Variants in PCDHAC1 observed in about 807,000 individuals in gnomAD.
PCDHAC1 encodes the protein protocadherin alpha-C1.
In PCDHAC1, 42 loss-of-function variants were observed where a neutral mutation model predicts 60.0. That is an observed-to-expected ratio of 0.70 (90% CI 0.55 to 0.90). The LOEUF (loss-of-function observed/expected upper bound fraction) is 0.90, where lower values mean the gene tolerates loss of function less well. Ranked by LOEUF, PCDHAC1 falls within the 40% of genes least tolerant of loss-of-function variation. The pLI, the probability that PCDHAC1 is intolerant of heterozygous loss-of-function variation, is 0.00. For missense variants in PCDHAC1, 1,160 were observed against 1,222.3 expected, an observed-to-expected ratio of 0.95 and a Z score of 0.76; for synonymous variants, 468 against 499.3, an observed-to-expected ratio of 0.94 and a Z score of 0.84.
At chr5:140,977,351 AT>A (rs2096757742) in intron 1 of PCDHAC1, among the ~76,000 whole-genome samples, 1 of 152,348 alleles carries the variant, frequency 6.6e-6, no homozygotes, top group Non-Finnish European at 1.5e-5. Context: ...ATGATGACTG[AT>A]TGATAAAAAG....
chr5:140,943,804 G>C (rs996208541), intron 1 of PCDHAC1, among the ~76,000 whole-genome samples: 2 of 152,224 alleles, frequency 1.3e-5, no homozygotes, highest in Non-Finnish European at 2.9e-5. Flanking sequence ...AGCAAAAGAG[G>C]AAAGTTTGAA....
At chr5:140,982,074 T>TAGAGAACCTAGGAACA (rs1554243726) in intron 2 of PCDHAC1, among the ~76,000 whole-genome samples, 1 of 151,090 alleles carries the variant, frequency 6.6e-6, no homozygotes, top group Non-Finnish European at 1.5e-5. Flanking sequence ...TTCTTTAGAG[T>TAGAGAACCTAGGAACA]AGAGAACCTA....
At chr5:140,941,194 TCTTTCTTCCTTTCTTTCTTCC>T (rs1563183817) in intron 1 of PCDHAC1, among the ~76,000 whole-genome samples, 5 of 112,350 alleles carry the variant, frequency 4.5e-5, no homozygotes, top group Admixed American at 9.1e-5. Flanking sequence ...TCTTTTTTTT[TCTTTCTTCCTTTCTTTCTTCC>T]TTTCTTTCTT....
chr5:140,932,593 A>T (rs1347990722), intron 1 of PCDHAC1, among the ~76,000 whole-genome samples: 1 of 151,922 alleles, frequency 6.6e-6, no homozygotes, highest in South Asian at 2.1e-4. Context: ...GATGTTTTGT[A>T]TATCTATTTT....
In PCDHAC1 at chr5:140,929,206, C is replaced by T. The variant is rs1554206828; in HGVS notation, c.2314C>T (p.Arg772Cys). ...TTCTGATAATAACAGTTTGCTGTTG[C>T]GTGGGGAGTACAATGCTGCCGACCT... ...LGSDNNSLLL[R>C]GEYNAADLRN... is the part of the protein sequence containing the mutation. Residue 772 changes from arginine (R) to cysteine (C), a missense_variant, in exon 1 of 4, where the codon CGT becomes TGT. Transcript: ENST00000253807. The T allele has an allele frequency of 2.5e-6, 4 of 1,614,018 alleles. No homozygotes were observed. Among genetic ancestry groups the T allele is most frequent in the Non-Finnish European group, 1.7e-6 (2 of 1,179,976 alleles).
At chr5:140,975,933 AG>A (rs1216240117) in intron 1 of PCDHAC1, among the ~76,000 whole-genome samples, 1 of 152,194 alleles carries the variant, frequency 6.6e-6, no homozygotes, top group Non-Finnish European at 1.5e-5. Flanking sequence ...TAACCTTTGA[AG>A]CAATAGGACA....
chr5:140,939,424 A>G lies in PCDHAC1; in HGVS notation c.2433+10099A>G, dbSNP rs186047779. 5.0e-4 allele frequency among the ~76,000 whole-genome samples: 76 copies of G among 152,290 alleles called. 1 individual carries two copies. Among genetic ancestry groups the G allele is most frequent in the Admixed American group, 1.3e-4 (2 of 15,302 alleles). On this transcript the variant is annotated intron_variant, in intron 1 of 3. Coordinates refer to ENST00000253807, the MANE Select transcript of PCDHAC1 (RefSeq NM_018898.5). ...GTGTAAATCAGCATTTTTTTCTTCC[A>G]TAAGCATTTGAAGAATTAAGAGTGA...
chr5:140,993,012 C>G (rs1307637137), intron 3 of PCDHAC1, among the ~76,000 whole-genome samples: 2 of 152,198 alleles, frequency 1.3e-5, no homozygotes, highest in Admixed American at 1.3e-4. Context: ...CCCCAGAGTC[C>G]AGCATCCCCT....
At chr5:140,998,415 C>T (rs1554256243) in intron 3 of PCDHAC1, among the ~76,000 whole-genome samples, 1 of 152,158 alleles carries the variant, frequency 6.6e-6, no homozygotes, top group African/African-American at 2.4e-5. Context: ...GTTTATCTAC[C>T]TGGTTTATCC....
chr5:140,983,275 A>C (rs1279699182), intron 3 of PCDHAC1, among the ~76,000 whole-genome samples: 1 of 152,230 alleles, frequency 6.6e-6, no homozygotes, highest in Non-Finnish European at 1.5e-5. Flanking sequence ...TGGCTGGGTG[A>C]GTATAGGAAA....
intron 1 of PCDHAC1, among the ~76,000 whole-genome samples, chr5:140,974,580 T>C (rs2153804250): frequency 6.6e-6 from 1 of 152,286 alleles, no homozygotes; most frequent in South Asian, 2.1e-4. Context: ...GGCATGATCT[T>C]GGCTCACTGC....
chr5:140,965,496 ATTT>A (rs71766133), intron 1 of PCDHAC1, among the ~76,000 whole-genome samples: 1 of 146,428 alleles, frequency 6.8e-6, no homozygotes. Flanking sequence ...ATGACAGCAG[ATTT>A]TTTTTTTTTT....
chr5:140,961,445 C>T (rs772072156), intron 1 of PCDHAC1, among the ~76,000 whole-genome samples: 1 of 152,214 alleles, frequency 6.6e-6, no homozygotes, highest in South Asian at 2.1e-4. Context: ...CCTAACTACA[C>T]TGTCTTGCAG....
intron 1 of PCDHAC1, among the ~76,000 whole-genome samples, chr5:140,963,165 A>G (rs775997183): frequency 2.6e-5 from 4 of 152,110 alleles, no homozygotes; most frequent in Non-Finnish European, 5.9e-5. Flanking sequence ...GACACATGCC[A>G]TCTTACAGAT....
At chr5:140,949,383 T>C (rs2094373133) in intron 1 of PCDHAC1, among the ~76,000 whole-genome samples, 1 of 151,882 alleles carries the variant, frequency 6.6e-6, no homozygotes, top group Non-Finnish European at 1.5e-5. Flanking sequence ...TATCAATTGC[T>C]CAGAGAGCAG....
In PCDHAC1 at chr5:140,979,008, G is replaced by T; in HGVS notation, c.2492+1G>T. 1 of 1,613,990 alleles carries T rather than the reference G, an allele frequency of 6.2e-7. No individual in the cohort carries two copies. The highest frequency in any genetic ancestry group is 1.3e-5 in the African/African-American group (1 of 75,044). ...CCTCCCTGAGAGCAGGCATGCACAG[G>T]TATGTATTTCCCTCCTCATTCACTC... On this transcript the variant is annotated splice_donor_variant, in intron 2 of 3. Transcript: ENST00000253807. LOFTEE classifies it high-confidence loss of function.
intron 1 of PCDHAC1, among the ~76,000 whole-genome samples, chr5:140,948,792 T>C (rs1215416836): frequency 6.6e-6 from 1 of 151,646 alleles, no homozygotes; most frequent in Non-Finnish European, 1.5e-5. Context: ...TTTGTTGATA[T>C]ATTTTCTATT....
chr5:140,967,986 C>A, intron 1 of PCDHAC1: 1 of 1,614,226 alleles, frequency 6.2e-7, no homozygotes, highest in Non-Finnish European at 8.5e-7. Flanking sequence ...CTGGAGGCCA[C>A]ACTGCCTTTC....
chr5:140,976,679 G>A (rs1314378983), intron 1 of PCDHAC1, among the ~76,000 whole-genome samples: 2 of 152,086 alleles, frequency 1.3e-5, no homozygotes, highest in African/African-American at 4.8e-5. Flanking sequence ...TCTCATTTTT[G>A]CAATTTAAGT....
Sources: gnomAD v4.1 joint callset for allele counts (sites outside exome capture counted in the v4.1 genomes callset) on GRCh38, gnomAD v4.1.1 for gene constraint, MANE v1.5 for transcripts, NCBI Gene and HGNC (gene_info 2026-07-23, HGNC 2026-07-21) for gene names.